The following RBFOX1 variants were observed in gnomAD, a reference collection of about 807,000 sequenced individuals.
RBFOX1 encodes the protein RNA binding protein fox-1 homolog 1.
In RBFOX1, 8 loss-of-function variants were observed where a neutral mutation model predicts 57.7. The observed-to-expected ratio is 0.14, with a 90% confidence interval of 0.08 to 0.25. The LOEUF (loss-of-function observed/expected upper bound fraction) is 0.25. Ranked by LOEUF, RBFOX1 falls within the 10% of genes least tolerant of loss-of-function variation. RBFOX1 has a pLI of 1.00. For missense variants in RBFOX1, 611 were observed against 548.5 expected (o/e 1.11, Z -1.14); for synonymous variants, 326 against 222.4 (o/e 1.47, Z -4.15).
chr16:7,334,025 C>T (rs1371012447), intron 4 of RBFOX1, among the ~76,000 whole-genome samples: 1 of 152,132 alleles, frequency 6.6e-6, no homozygotes, highest in Non-Finnish European at 1.5e-5. Context: ...ACTCCTGTGC[C>T]TCCCTCTGTC....
intron 1 of RBFOX1, chr16:6,059,153 G>C (rs1483500727): frequency 6.6e-6 from 1 of 152,224 alleles, no homozygotes; most frequent in African/African-American, 2.4e-5. Flanking sequence ...TAGAAGAGGT[G>C]AATAATTCAT....
chr16:6,146,905 A>G (rs1003156607), intron 1 of RBFOX1, among the ~76,000 whole-genome samples: 9 of 152,166 alleles, frequency 5.9e-5, no homozygotes, highest in African/African-American at 1.9e-4. Context: ...ATGGTAGACG[A>G]TTCTGAAGCA....
intron 4 of RBFOX1, among the ~76,000 whole-genome samples, chr16:5,895,999 G>A (rs1230142832): frequency 6.6e-6 from 1 of 152,116 alleles, no homozygotes; most frequent in African/African-American, 2.4e-5. Context: ...CGACAAACTT[G>A]GTGTAAAATG....
At chr16:6,272,147 A>T (rs1179313646) in intron 1 of RBFOX1, among the ~76,000 whole-genome samples, 1 of 152,218 alleles carries the variant, frequency 6.6e-6, no homozygotes, top group Admixed American at 6.5e-5. Context: ...CAATATTTAC[A>T]ATTAAATCAA....
chr16:5,633,655 C>G (rs944600824), intron 3 of RBFOX1, among the ~76,000 whole-genome samples: 2 of 152,056 alleles, frequency 1.3e-5, no homozygotes, highest in East Asian at 1.9e-4. Context: ...GGGTGGCTCA[C>G]CTGAGGTGGG....
intron 1 of RBFOX1, among the ~76,000 whole-genome samples, chr16:6,277,978 A>G (rs2076003789): frequency 6.6e-6 from 1 of 152,170 alleles, no homozygotes; most frequent in Non-Finnish European, 1.5e-5. Context: ...ATCATTGGGT[A>G]GGTGATGAGG....
chr16:7,560,987 T>G (rs1191777170), intron 5 of RBFOX1, among the ~76,000 whole-genome samples: 1 of 152,216 alleles, frequency 6.6e-6, no homozygotes, highest in African/African-American at 2.4e-5. Flanking sequence ...TGTGACTGTG[T>G]GGTTTATTCA....
At chr16:7,202,149 A>T (rs1602906502) in intron 4 of RBFOX1, among the ~76,000 whole-genome samples, 1 of 152,220 alleles carries the variant, frequency 6.6e-6, no homozygotes, top group African/African-American at 2.4e-5. Flanking sequence ...AAAATGGTTA[A>T]AGGACTTGAA....
chr16:7,499,831 A>G (rs1245500570), intron 4 of RBFOX1, among the ~76,000 whole-genome samples: 1 of 152,142 alleles, frequency 6.6e-6, no homozygotes, highest in African/African-American at 2.4e-5. Flanking sequence ...AATTAACTAC[A>G]ATATCCTAAG....
chr16:6,758,514 A>C (rs117979644), intron 3 of RBFOX1, among the ~76,000 whole-genome samples: 2 of 152,208 alleles, frequency 1.3e-5, no homozygotes, highest in Non-Finnish European at 2.9e-5. Context: ...CCAGCCTAGA[A>C]TACATTAGAG....
intron 4 of RBFOX1, among the ~76,000 whole-genome samples, chr16:5,883,472 T>G (rs1375865382): frequency 6.6e-6 from 1 of 152,186 alleles, no homozygotes. Flanking sequence ...CTTACCATAT[T>G]GGTAAGTAAA....
At chr16:6,855,169 G>A (rs1044299653) in intron 3 of RBFOX1, among the ~76,000 whole-genome samples, 1 of 151,994 alleles carries the variant, frequency 6.6e-6, no homozygotes, top group Admixed American at 6.6e-5. Context: ...TACGTGTTCT[G>A]GTGAGCATGA....
intron 3 of RBFOX1, among the ~76,000 whole-genome samples, chr16:5,620,894 G>T (rs1418602947): frequency 6.6e-6 from 1 of 152,130 alleles, no homozygotes; most frequent in East Asian, 1.9e-4. Flanking sequence ...AGGCTGGAGT[G>T]CAGGAGTGTG....
chr16:6,912,766 TG>T (rs1458167485), intron 3 of RBFOX1, among the ~76,000 whole-genome samples: 1 of 151,886 alleles, frequency 6.6e-6, no homozygotes, highest in African/African-American at 2.4e-5. Flanking sequence ...TATAGGCACA[TG>T]CCACCACACG....
intron 1 of RBFOX1, among the ~76,000 whole-genome samples, chr16:5,389,276 A>G (rs1050913900): frequency 6.6e-6 from 1 of 152,202 alleles, no homozygotes; most frequent in African/African-American, 2.4e-5. Context: ...GAAAGTGGAA[A>G]TCCTCGTTCT....
chr16:6,224,622 G>T (rs1478162262), intron 1 of RBFOX1, among the ~76,000 whole-genome samples: 1 of 152,108 alleles, frequency 6.6e-6, no homozygotes, highest in Non-Finnish European at 1.5e-5. Context: ...GCGTATTTCT[G>T]CTTCATATGT....
At chr16:6,641,258 T>C (rs2098485170) in intron 2 of RBFOX1, among the ~76,000 whole-genome samples, 1 of 152,172 alleles carries the variant, frequency 6.6e-6, no homozygotes, top group Non-Finnish European at 1.5e-5. Flanking sequence ...CTCACATTCC[T>C]GTTGACGTCA....
chr16:5,735,423 G>C (rs1043709719), intron 3 of RBFOX1, among the ~76,000 whole-genome samples: 2 of 152,210 alleles, frequency 1.3e-5, no homozygotes, highest in Admixed American at 1.3e-4. Flanking sequence ...CTTGGCATTA[G>C]CGATACAACT....
chr16:6,712,815 A>G (rs1261215155), intron 3 of RBFOX1, among the ~76,000 whole-genome samples: 1 of 150,288 alleles, frequency 6.7e-6, no homozygotes, highest in Non-Finnish European at 1.5e-5. Flanking sequence ...TTCATCTTGA[A>G]TTGTAGCTCT....
Sources: allele counts gnomAD v4.1 joint callset (sites outside exome capture counted in the v4.1 genomes callset), GRCh38; gene constraint gnomAD v4.1.1; transcripts MANE v1.5; gene names NCBI Gene and HGNC (gene_info 2026-07-23, HGNC 2026-07-21).